HNRNPA1: variants seen among roughly 807,000 people sequenced by gnomAD.
The protein encoded by HNRNPA1 is epididymis secretory sperm binding protein.
Under a neutral mutation model 44.4 loss-of-function variants are expected in HNRNPA1, and 7 were observed. That is an observed-to-expected ratio of 0.16 (90% CI 0.09 to 0.30). HNRNPA1 has a LOEUF of 0.30. Among genes scored for constraint, HNRNPA1 ranks in the 10% least tolerant of loss-of-function variants. HNRNPA1 has a pLI of 1.00. For missense variants in HNRNPA1, 193 were observed against 465.8 expected (o/e 0.41, Z 5.39); for synonymous variants, 169 against 160.6 (o/e 1.05, Z -0.40).
chr12:54,280,780 C>A lies in HNRNPA1; in HGVS notation c.-28C>A. On this transcript the variant is annotated 5_prime_UTR_variant, in exon 1 of 11. Transcript: ENST00000340913. Reference sequence around the variant, plus strand: ...CCCGTGGACGCCGCCGAAGAAGCATCGTTAAAGTCTCTCTTCACCCTGCCG... The same window carrying A: ...CCCGTGGACGCCGCCGAAGAAGCATAGTTAAAGTCTCTCTTCACCCTGCCG... 6.2e-7 allele frequency: 1 copy of A among 1,614,056 alleles called. No homozygotes were observed. Among genetic ancestry groups the A allele is most frequent in the Non-Finnish European group, 8.5e-7 (1 of 1,179,926 alleles).
Position 54,282,610 on chromosome 12 carries a change from A to T in HNRNPA1, c.621A>T (p.Gly207=), listed in dbSNP as rs1202221459. 6.2e-7 allele frequency: 1 copy of T among 1,613,806 alleles called. No homozygotes were observed. Among genetic ancestry groups the T allele is most frequent in the Non-Finnish European group, 8.5e-7 (1 of 1,179,958 alleles). The change falls in exon 6 of 11, where the codon GGA becomes GGT. Residue 207 remains glycine (G), a synonymous_variant. Transcript: ENST00000340913. ...SGSGNFGGGR[G]GGFGGNDNFG... is the part of the protein sequence containing the mutation. ...CTGGAAACTTTGGTGGTGGTCGTGG[A>T]GGTGGTTTCGGTGGGAATGACAACT...
chr12:54,284,631 C>G lies in HNRNPA1; in HGVS notation c.*87C>G, dbSNP rs1019452635. 2 of 592,840 alleles carry G rather than the reference C, an allele frequency of 3.4e-6. No homozygotes were observed. The highest frequency in any genetic ancestry group is 4.3e-5 in the Admixed American group (2 of 46,498). 36.7% of individuals were successfully genotyped at this position (592,840 alleles called of 1,614,324 possible). A position where few individuals can be genotyped will look rare whatever the true frequency, so the allele number is the denominator to read the frequency against. On this transcript the variant is annotated 3_prime_UTR_variant, in exon 11 of 11. Transcript: ENST00000340913. ...CAACAGATTTGTGAACTCAGCCAAGCACAGTGGTGGCAGGGCCTAGCTGCT... is the reference window on the plus strand; with the variant it reads ...CAACAGATTTGTGAACTCAGCCAAGGACAGTGGTGGCAGGGCCTAGCTGCT...
chr12:54,283,055 T>C (rs753798201), intron 7 of HNRNPA1, 24 bp from the exon 8 acceptor site: 6 of 1,610,208 alleles, frequency 3.7e-6, no homozygotes, highest in South Asian at 2.2e-5. Context: ...TTTTGTCTTA[T>C]TGAGAAGAAT....
Position 54,286,239 on chromosome 12 carries a change from G to A in HNRNPA1, c.*1695G>A, listed in dbSNP as rs1188561151. The A allele has an allele frequency of 6.6e-6, 1 of 152,160 alleles. No homozygotes were observed. The highest frequency in any genetic ancestry group is 1.5e-5 in the Non-Finnish European group (1 of 68,032). 9.4% of individuals were successfully genotyped at this position (152,160 alleles called of 1,614,324 possible). A position where few individuals can be genotyped will look rare whatever the true frequency, so the allele number is the denominator to read the frequency against. On this transcript the variant is annotated 3_prime_UTR_variant, in exon 11 of 11. Transcript: ENST00000340913. The stretch of plus-strand genomic sequence containing the variant: ...AGAGTAAGGCACACCTGACTCTTAG[G>A]ACTAGCAGTCAGAACCAGGAGGAAA...
intron 1 of HNRNPA1, chr12:54,281,071 T>C: frequency 1.4e-6 from 1 of 704,186 alleles, no homozygotes; most frequent in Non-Finnish European, 2.6e-6. Flanking sequence ...ACAGGATCTT[T>C]GTCTTTTTTT....
chr12:54,283,996 G>A (rs2137045301), intron 9 of HNRNPA1, 29 bp downstream of exon 9: 3 of 1,601,348 alleles, frequency 1.9e-6, no homozygotes, highest in South Asian at 1.1e-5. Flanking sequence ...TTTGGATAAT[G>A]TCAAAAGAGT....
intron 8 of HNRNPA1, among the ~76,000 whole-genome samples, chr12:54,283,493 G>A (rs1049192058): frequency 1.3e-5 from 2 of 152,240 alleles, no homozygotes; most frequent in East Asian, 1.9e-4. Context: ...GACCTTAGGC[G>A]CTTAGTTGAT....
Position 54,283,090 on chromosome 12 carries a change from G to A in HNRNPA1, c.763G>A (p.Gly255Arg). The A allele has an allele frequency of 1.9e-6, 3 of 1,613,080 alleles. No individual in the cohort carries two copies. Among genetic ancestry groups the A allele is most frequent in the Non-Finnish European group, 2.5e-6 (3 of 1,179,726 alleles). The change falls in exon 8 of 11, where the codon GGA (glycine) becomes AGA (arginine). Residue 255 changes from glycine (G) to arginine (R), a missense_variant. Physicochemically the swap from Gly to Arg is moderately radical, Grantham distance 125. Transcript: ENST00000340913. ...TTGTATTCTTGTAGGTGGTTATGGA[G>A]GAGGCGGCCCTGGTTACTCTGGAGG... ...NGFGNDGGYG[G>R]GGPGYSGGSR...
intron 1 of HNRNPA1, chr12:54,281,113 G>T (rs753235954): frequency 5.7e-6 from 4 of 699,982 alleles, no homozygotes; most frequent in African/African-American, 5.2e-5. Flanking sequence ...GTTTTCTAAA[G>T]AGCGATTAGT....
chr12:54,282,009 C>G, intron 3 of HNRNPA1, 68 bp downstream of exon 3: 2 of 1,599,698 alleles, frequency 1.3e-6, no homozygotes, highest in Non-Finnish European at 1.7e-6. Context: ...ACTTAAGATT[C>G]GGGAGTTTTC....
intron 8 of HNRNPA1, 60 bp downstream of exon 8, chr12:54,283,294 G>T: frequency 6.4e-7 from 1 of 1,568,748 alleles, no homozygotes; most frequent in Non-Finnish European, 8.7e-7. Flanking sequence ...TTAGAGCTTG[G>T]GTTCTGGTGC....
Position 54,282,879 on chromosome 12 carries a change from GTT to G in HNRNPA1, c.751+10_751+11del. 3 of 1,549,014 alleles carry G rather than the reference GTT, an allele frequency of 1.9e-6. 1 individual carries two copies. The highest frequency in any genetic ancestry group is 2.4e-5 in the South Asian group (2 of 83,814). On this transcript the variant is annotated splice_donor_region_variant and intron_variant, in intron 7 of 10. Coordinates refer to ENST00000340913, the MANE Select transcript of HNRNPA1 (RefSeq NM_031157.4). The stretch of plus-strand genomic sequence containing the variant: ...ATAATGGATTTGGTAATGATGGTAA[GTT>G]TTTTAGGAATAAGTAGAGAAAAATT...
Position 54,284,694 on chromosome 12 carries a change from T to C in HNRNPA1, c.*150T>C. 2.1e-6 allele frequency: 1 copy of C among 487,632 alleles called. No individual in the cohort carries two copies. The highest frequency in any genetic ancestry group is 4.0e-6 in the Non-Finnish European group (1 of 250,072). The allele number at this position is 487,632 out of a possible 1,614,324, so 30.2% of individuals were successfully genotyped here. A position where few individuals can be genotyped will look rare whatever the true frequency, so the allele number is the denominator to read the frequency against. On this transcript the variant is annotated 3_prime_UTR_variant, in exon 11 of 11. Transcript: ENST00000340913. ...TGTTTTAGACAAATACTCATGTGTA[T>C]GGGCAAAAAACTCGAGGACTGTATT...
At position 54,282,104 on chromosome 12, in the gene HNRNPA1, A is replaced by G; in HGVS notation, c.294A>G (p.Pro98=). The change falls in exon 4 of 11, where the codon CCA becomes CCG. Residue 98 remains proline, a synonymous_variant. Coordinates refer to ENST00000340913, the MANE Select transcript of HNRNPA1 (RefSeq NM_031157.4). ...RAVSREDSQR[P]GAHLTVKKIF... is the part of the protein sequence containing the mutation. ...TCTCCTATTAGGATTCTCAAAGACCAGGTGCCCACTTAACTGTGAAAAAGA... is the reference window on the plus strand; with the variant it reads ...TCTCCTATTAGGATTCTCAAAGACCGGGTGCCCACTTAACTGTGAAAAAGA... 1.2e-6 allele frequency: 2 copies of G among 1,610,384 alleles called. No individual in the cohort carries two copies. The highest frequency in any genetic ancestry group is 1.7e-6 in the Non-Finnish European group (2 of 1,177,542).
In HNRNPA1 at chr12:54,280,731, C is replaced by G; in HGVS notation, c.-77C>G. ...GAGGGCGAAGGTAGGCTGGCAGATACGTTCGTCAGCTTGCTCCTTTCTGCC... is the reference window on the plus strand; with the variant it reads ...GAGGGCGAAGGTAGGCTGGCAGATAGGTTCGTCAGCTTGCTCCTTTCTGCC... On this transcript the variant is annotated 5_prime_UTR_variant, in exon 1 of 11. Coordinates refer to ENST00000340913, the MANE Select transcript of HNRNPA1 (RefSeq NM_031157.4). 5.8e-6 allele frequency: 9 copies of G among 1,547,066 alleles called. No homozygotes were observed. The East Asian group carries it at 9.0e-5, about 15-fold the overall frequency.
chr12:54,283,720 A>G, intron 8 of HNRNPA1, 92 bp from the exon 9 acceptor site: 1 of 1,242,394 alleles, frequency 8.0e-7, no homozygotes, highest in Non-Finnish European at 1.2e-6. Flanking sequence ...GAAGGCTGAT[A>G]ACTCAACCTT....
chr12:54,283,021 G>A, intron 7 of HNRNPA1, 58 bp from the exon 8 acceptor site: 1 of 1,585,118 alleles, frequency 6.3e-7, no homozygotes, highest in East Asian at 2.3e-5. Flanking sequence ...CGTTACACTT[G>A]CACAAGTTTT....
intron 10 of HNRNPA1, 107 bp from the exon 11 acceptor site, chr12:54,284,442 T>C: frequency 1.0e-6 from 1 of 960,386 alleles, no homozygotes; most frequent in East Asian, 2.6e-5. Flanking sequence ...GGATATAAAG[T>C]TAATATTCAG....
At chr12:54,284,380 C>G (rs867828035) in intron 10 of HNRNPA1, 63 bp downstream of exon 10, 3 of 1,342,968 alleles carry the variant, frequency 2.2e-6, no homozygotes, top group Non-Finnish European at 1.1e-6. Context: ...CCCAATAACC[C>G]TAATGTAGCT....
Sources: allele counts gnomAD v4.1 joint callset (sites outside exome capture counted in the v4.1 genomes callset), GRCh38; gene constraint gnomAD v4.1.1; transcripts MANE v1.5; gene names NCBI Gene and HGNC (gene_info 2026-07-23, HGNC 2026-07-21).